RFX3: variants seen among roughly 807,000 people sequenced by gnomAD.
The protein encoded by RFX3 is transcription factor RFX3.
A neutral mutation model predicts 98.6 loss-of-function variants in RFX3; 14 were observed. The observed-to-expected ratio is 0.14, with a 90% CI of 0.09 to 0.22. The LOEUF is 0.22. Among genes scored for constraint, RFX3 ranks in the 10% least tolerant of loss-of-function variants. The probability of loss-of-function intolerance (pLI) is 1.00; values close to 1 mark genes in which losing one functional copy is unlikely to be tolerated. For synonymous variants in RFX3, 383 were observed against 328.4 expected (o/e 1.17, Z -1.80); for missense variants, 639 against 926.9 (o/e 0.69, Z 4.03).
At chr9:3,345,037 G>A (rs1834301601) in intron 3 of RFX3, among the ~76,000 whole-genome samples, 1 of 152,138 alleles carries the variant, frequency 6.6e-6, no homozygotes, top group South Asian at 2.1e-4. Context: ...TCGCATTCAG[G>A]GAGAGTTCTT....
rs544498301 is a variant in RFX3 at position 3,506,365 on chromosome 9, T to G, written c.-9+19382A>C. On this transcript the variant is annotated intron_variant, in intron 1 of 16. Transcript: ENST00000617270. ...GTAATTCCATTCTGATACTACTGGT[T>G]GCCTTGGTGTAACCCTGGAACTGAA... Among the ~76,000 whole-genome samples the G allele has an allele frequency of 3.3e-5, 5 of 151,990 alleles. No individual in the cohort carries two copies. In the South Asian group the frequency reaches 1.0e-3, roughly 31 times the overall value.
chr9:3,459,495 C>G (rs982031089), intron 1 of RFX3, among the ~76,000 whole-genome samples: 7 of 151,986 alleles, frequency 4.6e-5, no homozygotes, highest in Admixed American at 6.6e-5. Context: ...GGGCACTCCT[C>G]TATTATGAAG....
At chr9:3,359,192 C>T (rs1210171679) in intron 2 of RFX3, among the ~76,000 whole-genome samples, 1 of 151,450 alleles carries the variant, frequency 6.6e-6, no homozygotes, top group Non-Finnish European at 1.5e-5. Context: ...ATGGAGGAAG[C>T]AAAGAGGGAT....
chr9:3,246,005 T>A (rs957969977), intron 15 of RFX3, among the ~76,000 whole-genome samples: 2 of 152,190 alleles, frequency 1.3e-5, no homozygotes, highest in Admixed American at 6.5e-5. Flanking sequence ...CAAGAAATTT[T>A]AGATATGATA....
chr9:3,358,631 T>A (rs954761180), intron 2 of RFX3, among the ~76,000 whole-genome samples: 2 of 152,140 alleles, frequency 1.3e-5, no homozygotes, highest in East Asian at 3.8e-4. Flanking sequence ...AATACTGAAT[T>A]ACAGCATATT....
At chr9:3,335,637 T>A (rs1833089119) in intron 3 of RFX3, among the ~76,000 whole-genome samples, 1 of 152,220 alleles carries the variant, frequency 6.6e-6, no homozygotes, top group African/African-American at 2.4e-5. Context: ...CTGTATTGAT[T>A]ACCATAGACT....
chr9:3,249,380 C>A (rs1821092884), intron 14 of RFX3, among the ~76,000 whole-genome samples: 1 of 152,094 alleles, frequency 6.6e-6, no homozygotes, highest in South Asian at 2.1e-4. Flanking sequence ...CTGTTGATCT[C>A]AAAAACATCA....
intron 5 of RFX3, among the ~76,000 whole-genome samples, chr9:3,296,354 A>G (rs979989776): frequency 1.3e-5 from 2 of 151,990 alleles, no homozygotes; most frequent in African/African-American, 4.8e-5. Context: ...TCCCAATTGA[A>G]TAATTTACAA....
intron 3 of RFX3, among the ~76,000 whole-genome samples, chr9:3,344,224 T>C (rs1009219723): frequency 1.3e-5 from 2 of 152,224 alleles, no homozygotes; most frequent in Admixed American, 6.5e-5. Context: ...TCCTACTCTT[T>C]AGATGATACA....
chr9:3,355,881 A>G (rs1835690251), intron 2 of RFX3, among the ~76,000 whole-genome samples: 1 of 151,918 alleles, frequency 6.6e-6, no homozygotes, highest in Non-Finnish European at 1.5e-5. Flanking sequence ...ACAAAAAGAT[A>G]TCTTAAAAAG....
intron 2 of RFX3, among the ~76,000 whole-genome samples, chr9:3,366,682 C>T (rs7853199): frequency 0.012 from 795 of 69,016 alleles, 21 homozygotes; most frequent in African/African-American, 0.042. Context: ...CTCTTTCTTT[C>T]TTCTTTCTTT....
intron 1 of RFX3, among the ~76,000 whole-genome samples, chr9:3,442,126 G>A (rs183014684): frequency 1.6e-3 from 250 of 152,134 alleles, no homozygotes; most frequent in South Asian, 0.014. Flanking sequence ...CTTGAACCCG[G>A]GAGACAGAGG....
chr9:3,470,475 C>T (rs1848679866), intron 1 of RFX3, among the ~76,000 whole-genome samples: 1 of 148,496 alleles, frequency 6.7e-6, no homozygotes, highest in East Asian at 2.2e-4. Flanking sequence ...CCACCACACC[C>T]GGCTAATTTT....
chr9:3,488,800 G>A, intron 1 of RFX3: 3 of 985,230 alleles, frequency 3.0e-6, no homozygotes, highest in South Asian at 4.7e-5. Flanking sequence ...TTGAAATGGA[G>A]GTTACAGCTT....
intron 4 of RFX3, among the ~76,000 whole-genome samples, chr9:3,313,247 C>A (rs967973007): frequency 1.3e-5 from 2 of 152,188 alleles, no homozygotes; most frequent in African/African-American, 4.8e-5. Flanking sequence ...GATACCCAAA[C>A]AAACAGGGTC....
intron 4 of RFX3, among the ~76,000 whole-genome samples, chr9:3,302,836 T>C (rs1305706961): frequency 6.6e-6 from 1 of 151,772 alleles, no homozygotes; most frequent in Non-Finnish European, 1.5e-5. Flanking sequence ...TATACCAACA[T>C]TAAATCTAAT....
intron 1 of RFX3, among the ~76,000 whole-genome samples, chr9:3,443,287 G>C (rs1363979452): frequency 6.6e-6 from 1 of 152,142 alleles, no homozygotes; most frequent in Non-Finnish European, 1.5e-5. Flanking sequence ...TTGGTGCACA[G>C]ATCATCCCAT....
chr9:3,504,862 A>G (rs1242901795), intron 1 of RFX3, among the ~76,000 whole-genome samples: 1 of 23,524 alleles, frequency 4.3e-5, no homozygotes, highest in Non-Finnish European at 8.8e-5. Context: ...TATATGATAT[A>G]ATATATATTA....
intron 2 of RFX3, among the ~76,000 whole-genome samples, chr9:3,389,969 T>C (rs1840130847): frequency 2.6e-5 from 4 of 152,200 alleles, no homozygotes; most frequent in African/African-American, 9.6e-5. Context: ...AAATGGATAC[T>C]TGAGGTCATA....
Sources: allele counts gnomAD v4.1 joint callset (sites outside exome capture counted in the v4.1 genomes callset), GRCh38; gene constraint gnomAD v4.1.1; transcripts MANE v1.5; gene names NCBI Gene and HGNC (gene_info 2026-07-23, HGNC 2026-07-21).